APPL2: variants seen among roughly 807,000 people sequenced by gnomAD.
APPL2 encodes the protein adaptor protein, phosphotyrosine interacting with PH domain and leucine zipper 2, also known as DCC-interacting protein 13-beta.
Under a neutral mutation model 92.7 loss-of-function variants are expected in APPL2, and 84 were observed. The observed-to-expected ratio is 0.91, with a 90% CI of 0.76 to 1.09. The LOEUF is 1.09. Ranked by LOEUF, APPL2 falls within the 50% of genes least tolerant of loss-of-function variation. The pLI is 0.00. For missense variants in APPL2, 736 were observed against 824.5 expected (o/e 0.89, Z 1.31); for synonymous variants, 291 against 291.0 (o/e 1.00, Z 0.00).
At chr12:105,213,369 C>T (rs1889377587) in intron 4 of APPL2, among the ~76,000 whole-genome samples, 1 of 152,230 alleles carries the variant, frequency 6.6e-6, no homozygotes, top group Non-Finnish European at 1.5e-5. Context: ...CCTCTCACAA[C>T]TTTAGCATCA....
chr12:105,212,226 TG>T (rs1239958621), intron 4 of APPL2, among the ~76,000 whole-genome samples: 1 of 152,118 alleles, frequency 6.6e-6, no homozygotes, highest in African/African-American at 2.4e-5. Flanking sequence ...CATTTGGATG[TG>T]ATGCTCCTCA....
chr12:105,209,369 T>C (rs962808676), intron 5 of APPL2, among the ~76,000 whole-genome samples: 4 of 152,096 alleles, frequency 2.6e-5, no homozygotes, highest in Non-Finnish European at 4.4e-5. Flanking sequence ...ACTAAGAAGA[T>C]TCCTTCTTAC....
intron 1 of APPL2, among the ~76,000 whole-genome samples, chr12:105,230,944 G>T (rs1890876954): frequency 6.6e-6 from 1 of 152,252 alleles, no homozygotes; most frequent in African/African-American, 2.4e-5. Context: ...ATTTGTGTTA[G>T]AAGAGCTCTC....
intron 8 of APPL2, among the ~76,000 whole-genome samples, chr12:105,205,324 G>A (rs1888607040): frequency 1.3e-5 from 2 of 152,098 alleles, no homozygotes; most frequent in Admixed American, 6.5e-5. Context: ...ATCTGGATAC[G>A]AAAAATGAAA....
intron 1 of APPL2, among the ~76,000 whole-genome samples, chr12:105,234,027 T>C (rs73397654): frequency 0.023 from 3,510 of 152,274 alleles, 113 homozygotes; most frequent in African/African-American, 0.066. Flanking sequence ...GAGAGTAGTA[T>C]ATAAATATGC....
At chr12:105,217,621 G>A in intron 3 of APPL2, 45 bp downstream of exon 3, 1 of 1,586,378 alleles carries the variant, frequency 6.3e-7, no homozygotes, top group Non-Finnish European at 8.6e-7. Context: ...ACTTAAGAAA[G>A]TCCTGAACAC....
intron 2 of APPL2, among the ~76,000 whole-genome samples, chr12:105,221,781 C>A (rs1417664088): frequency 6.6e-6 from 1 of 152,250 alleles, no homozygotes; most frequent in Non-Finnish European, 1.5e-5. Context: ...CCATGCTCAA[C>A]AGAACCTCCC....
chr12:105,235,921 C>T (rs747517035), intron 1 of APPL2, 38 bp downstream of exon 1: 10 of 1,233,230 alleles, frequency 8.1e-6, no homozygotes, highest in East Asian at 6.5e-5. Flanking sequence ...CTCGGCCTCA[C>T]CCCTGCGGGC....
intron 17 of APPL2, among the ~76,000 whole-genome samples, chr12:105,179,850 TC>T (rs1249190281): frequency 6.6e-6 from 1 of 152,232 alleles, no homozygotes; most frequent in African/African-American, 2.4e-5. Flanking sequence ...GTGTTTAAGT[TC>T]TTTGTAGATT....
At chr12:105,195,875 T>C (rs1887597176) in intron 11 of APPL2, among the ~76,000 whole-genome samples, 2 of 151,800 alleles carry the variant, frequency 1.3e-5, no homozygotes, top group African/African-American at 4.8e-5. Flanking sequence ...GGCAACATGG[T>C]GAAACCCCCT....
At chr12:105,217,521 C>A (rs567539526) in intron 3 of APPL2, 145 bp downstream of exon 3, 523 of 723,846 alleles carry the variant, frequency 7.2e-4, no homozygotes, top group Non-Finnish European at 1.1e-3. Flanking sequence ...GATTTCAATA[C>A]ATCAGTGGAA....
intron 2 of APPL2, among the ~76,000 whole-genome samples, chr12:105,225,947 C>T (rs1042333246): frequency 6.6e-6 from 1 of 151,730 alleles, no homozygotes; most frequent in Non-Finnish European, 1.5e-5. Context: ...TATCATTTAT[C>T]AGCAGCGTAA....
Position 105,173,369 on chromosome 12 carries a change from C to G in APPL2, c.*945G>C, listed in dbSNP as rs1885168461. ...AATAATAGTCTGTTGAACTTAGTTA[C>G]AGTTAAACACACTGTACCGATTCAA... is the stretch of plus-strand genomic sequence containing the variant. On this transcript the variant is annotated 3_prime_UTR_variant, in exon 21 of 21. Coordinates refer to ENST00000258530, the MANE Select transcript of APPL2 (RefSeq NM_018171.5). 6.6e-6 allele frequency: 1 copy of G among 152,510 alleles called. No individual in the cohort carries two copies. The highest frequency in any genetic ancestry group is 2.4e-5 in the African/African-American group (1 of 41,396). 9.4% of individuals were successfully genotyped at this position (152,510 alleles called of 1,614,324 possible). A position where few individuals can be genotyped will look rare whatever the true frequency, so the allele number is the denominator to read the frequency against.
Position 105,236,152 on chromosome 12 carries a change from CT to C in APPL2, c.-141del. The C allele has an allele frequency of 2.3e-6, 1 of 438,598 alleles. No individual in the cohort carries two copies. Among genetic ancestry groups the C allele is most frequent in the Non-Finnish European group, 3.2e-6 (1 of 308,790 alleles). The allele number at this position is 438,598 out of a possible 1,614,324, so 27.2% of individuals were successfully genotyped here. A position where few individuals can be genotyped will look rare whatever the true frequency, so the allele number is the denominator to read the frequency against. Reference sequence around the variant, plus strand: ...GCGGCGGCCCCGCGCGCGTCCACGCCTGGCCAGTGGCCGCCGCCGCCTGCCC... The same window carrying C: ...GCGGCGGCCCCGCGCGCGTCCACGCCGGCCAGTGGCCGCCGCCGCCTGCCC... On this transcript the variant is annotated 5_prime_UTR_variant, in exon 1 of 21. Coordinates refer to ENST00000258530, the MANE Select transcript of APPL2 (RefSeq NM_018171.5).
At position 105,188,451 on chromosome 12, in the gene APPL2, G is replaced by T. The variant is rs777371226; in HGVS notation, c.1460-4C>A. On this transcript the variant is annotated splice_polypyrimidine_tract_variant and splice_region_variant and intron_variant, in intron 16 of 20. Coordinates refer to ENST00000258530, the MANE Select transcript of APPL2 (RefSeq NM_018171.5). ...AACATCTGCTGCAAAAGAGAATCTG[G>T]AAGACAGCATTTTCCACTCAGGATC... 1 of 1,613,860 alleles carries T rather than the reference G, an allele frequency of 6.2e-7. No individual in the cohort carries two copies. Among genetic ancestry groups the T allele is most frequent in the Non-Finnish European group, 8.5e-7 (1 of 1,179,854 alleles).
At chr12:105,200,831 C>CGTACGTATGTAT (rs1436233549) in intron 9 of APPL2, among the ~76,000 whole-genome samples, 1 of 144,396 alleles carries the variant, frequency 6.9e-6, no homozygotes, top group African/African-American at 2.6e-5. Flanking sequence ...CCACTCTCTA[C>CGTACGTATGTAT]GTATGTATGT....
intron 1 of APPL2, chr12:105,232,974 A>G: frequency 3.3e-6 from 2 of 609,486 alleles, no homozygotes; most frequent in Non-Finnish European, 4.1e-6. Flanking sequence ...TAACCTCAGA[A>G]CTACATCTTT....
At position 105,188,299 on chromosome 12, in the gene APPL2, A is replaced by G. The variant is rs2135934312; in HGVS notation, c.1608T>C (p.His536=). 5 of 1,614,178 alleles carry G rather than the reference A, an allele frequency of 3.1e-6. No homozygotes were observed. The South Asian group carries it at 4.4e-5, about 14-fold the overall frequency. ...IHNIFRMTES[H]LMVTSQSLRL... is the part of the protein sequence containing the mutation. ...TCAAAGATTGACTGGTGACCATCAG[A>G]TGGGATTCTGTCATGCGGAAGATGT... Residue 536 remains histidine (H), a synonymous_variant, in exon 17 of 21, where the codon CAT becomes CAC. Transcript: ENST00000258530.
intron 7 of APPL2, among the ~76,000 whole-genome samples, chr12:105,207,756 G>C (rs1196751): frequency 6.6e-6 from 1 of 151,890 alleles, no homozygotes; most frequent in African/African-American, 2.4e-5. Flanking sequence ...TAATCTTACA[G>C]TGGCTCTAAG....
Sources: allele counts gnomAD v4.1 joint callset (sites outside exome capture counted in the v4.1 genomes callset), GRCh38; gene constraint gnomAD v4.1.1; transcripts MANE v1.5; gene names NCBI Gene and HGNC (gene_info 2026-07-23, HGNC 2026-07-21).